The following RNFT2 variants were observed in gnomAD, a reference collection of about 807,000 sequenced individuals.
The protein encoded by RNFT2 is E3 ubiquitin-protein ligase RNFT2.
In RNFT2, 36 loss-of-function variants were observed where a neutral mutation model predicts 53.0. The ratio of observed to expected loss-of-function variants is 0.68; its 90% CI spans 0.52 to 0.90. The LOEUF (loss-of-function observed/expected upper bound fraction) is 0.90. RNFT2 is among the 40% of genes least tolerant of loss of function. RNFT2 has a pLI of 0.00. For synonymous variants in RNFT2, 260 were observed against 253.2 expected, an observed-to-expected ratio of 1.03 and a Z score of -0.26; for missense variants, 514 against 585.6, an observed-to-expected ratio of 0.88 and a Z score of 1.26.
At chr12:116,785,982 G>A (rs1873917176) in intron 7 of RNFT2, among the ~76,000 whole-genome samples, 2 of 152,142 alleles carry the variant, frequency 1.3e-5, no homozygotes, top group Admixed American at 6.5e-5. Context: ...AGCCCAGGAG[G>A]CAGAGGTTGC....
chr12:116,824,272 G>A (rs1592980745), intron 7 of RNFT2, among the ~76,000 whole-genome samples: 1 of 152,198 alleles, frequency 6.6e-6, no homozygotes, highest in East Asian at 1.9e-4. Flanking sequence ...AAACCCAGCT[G>A]TTTCAAAGCA....
Position 116,779,368 on chromosome 12 carries a change from A to G in RNFT2, c.882+20A>G, listed in dbSNP as rs1190375789. The G allele has an allele frequency of 6.2e-7, 1 of 1,613,688 alleles. No homozygotes were observed. The highest frequency in any genetic ancestry group is 8.5e-7 in the Non-Finnish European group (1 of 1,179,728). On this transcript the variant is annotated intron_variant, in intron 7 of 10. Transcript: ENST00000257575. ...TCCAAGGTAGGCACTGGCTGCGGCC[A>G]CAAGGTAGCCCCAGTCACATGGATC...
intron 7 of RNFT2, among the ~76,000 whole-genome samples, chr12:116,805,882 A>G (rs749546368): frequency 6.6e-6 from 1 of 152,214 alleles, no homozygotes; most frequent in Non-Finnish European, 1.5e-5. Flanking sequence ...TATCAAGGAA[A>G]ATCTTCATTG....
rs1491314984 is a variant in RNFT2, at chr12:116,841,792, TAA to T, written c.1200+5512_1200+5513del. 4.7e-4 allele frequency among the ~76,000 whole-genome samples: 41 copies of T among 87,914 alleles called. 1 individual carries two copies. The highest frequency in any genetic ancestry group is 2.2e-3 in the African/African-American group (39 of 17,500). The allele number at this position is 87,914 out of a possible 152,430, so 57.7% of individuals were successfully genotyped here. ...ATATATATATATAAATATATATATA[TAA>T]ATATATATATAAATATATATATAAA... On this transcript the variant is annotated intron_variant, in intron 10 of 10. Coordinates refer to ENST00000257575, the MANE Select transcript of RNFT2 (RefSeq NM_001382266.1).
At chr12:116,750,890 TAATATATATATATATA>T (rs1566069545) in intron 4 of RNFT2, among the ~76,000 whole-genome samples, 16 of 25,204 alleles carry the variant, frequency 6.3e-4, no homozygotes, top group Admixed American at 4.0e-3. Flanking sequence ...ATTATATATA[TAATATATATATATATA>T]TATTTTTTTT....
intron 7 of RNFT2, among the ~76,000 whole-genome samples, chr12:116,814,185 C>A (rs56877048): frequency 0.018 from 2,737 of 152,296 alleles, 95 homozygotes; most frequent in African/African-American, 0.063. Flanking sequence ...TAGGCACTTT[C>A]CATTCATCCA....
intron 5 of RNFT2, among the ~76,000 whole-genome samples, chr12:116,756,257 G>A (rs1045117787): frequency 1.3e-5 from 2 of 151,980 alleles, no homozygotes; most frequent in African/African-American, 4.8e-5. Flanking sequence ...ATGTTTTGTA[G>A]TTGTCCTTGT....
intron 7 of RNFT2, among the ~76,000 whole-genome samples, chr12:116,787,900 C>T (rs1874010564): frequency 6.6e-6 from 1 of 151,608 alleles, no homozygotes. Context: ...GTGCTCCAGA[C>T]AGACAGACCC....
intron 7 of RNFT2, among the ~76,000 whole-genome samples, chr12:116,813,289 C>T (rs1297657280): frequency 6.6e-6 from 1 of 152,162 alleles, no homozygotes; most frequent in Non-Finnish European, 1.5e-5. Context: ...GCCTGGCCTT[C>T]GCCTCTCTTC....
intron 10 of RNFT2, among the ~76,000 whole-genome samples, chr12:116,844,355 G>C (rs1877502386): frequency 6.6e-6 from 1 of 152,126 alleles, no homozygotes; most frequent in Non-Finnish European, 1.5e-5. Context: ...TCCTGCCTCA[G>C]CCTCCCGAGT....
At chr12:116,826,733 AG>A (rs1331768469) in intron 7 of RNFT2, among the ~76,000 whole-genome samples, 1 of 152,178 alleles carries the variant, frequency 6.6e-6, no homozygotes, top group Non-Finnish European at 1.5e-5. Flanking sequence ...AGCAAACTGT[AG>A]GAAGTTGACT....
intron 7 of RNFT2, among the ~76,000 whole-genome samples, chr12:116,796,869 T>A (rs1236460465): frequency 2.0e-5 from 3 of 152,210 alleles, no homozygotes; most frequent in Non-Finnish European, 2.9e-5. Context: ...CCAGCCACAC[T>A]GGTTCCAACT....
In RNFT2 at chr12:116,853,188, G is replaced by A. The variant is rs1381838963; in HGVS notation, c.*3740G>A. On this transcript the variant is annotated 3_prime_UTR_variant, in exon 11 of 11. Transcript: ENST00000257575. Reference sequence around the variant, plus strand: ...CCTATACCAGTGCGAAAGCAGCCAGGAGTCCCCGTTGGAAAAGAACAATGC... The same window carrying A: ...CCTATACCAGTGCGAAAGCAGCCAGAAGTCCCCGTTGGAAAAGAACAATGC... 2.5e-6 allele frequency: 1 copy of A among 399,120 alleles called. No homozygotes were observed. The highest frequency in any genetic ancestry group is 4.4e-6 in the Non-Finnish European group (1 of 226,562). 24.7% of individuals were successfully genotyped at this position (399,120 alleles called of 1,614,324 possible).
chr12:116,739,540 G>A (rs771058587), intron 1 of RNFT2, among the ~76,000 whole-genome samples: 5 of 152,240 alleles, frequency 3.3e-5, no homozygotes, highest in Admixed American at 6.5e-5. Flanking sequence ...CGGGGAGTCA[G>A]GAGAATGAGA....
At chr12:116,832,553 C>T (rs1319409040) in intron 7 of RNFT2, among the ~76,000 whole-genome samples, 1 of 152,074 alleles carries the variant, frequency 6.6e-6, no homozygotes, top group African/African-American at 2.4e-5. Context: ...CATATGTTTT[C>T]ATTTCTCTCG....
At chr12:116,800,812 T>TCAAAATAAAATAAAATAA (rs142455219) in intron 7 of RNFT2, among the ~76,000 whole-genome samples, 2 of 114,864 alleles carry the variant, frequency 1.7e-5, no homozygotes, top group Admixed American at 9.7e-5. Context: ...AGACTCCATC[T>TCAAAATAAAATAAAATAA]TAAAATAAAA....
rs764950950 is a variant in RNFT2 at position 116,851,721 on chromosome 12, A to G, written c.*2273A>G. 1 of 694,926 alleles carries G rather than the reference A, an allele frequency of 1.4e-6. No homozygotes were observed. Among genetic ancestry groups the G allele is most frequent in the African/African-American group, 1.8e-5 (1 of 56,548 alleles). 43.0% of individuals were successfully genotyped at this position (694,926 alleles called of 1,614,324 possible). A position where few individuals can be genotyped will look rare whatever the true frequency, so the allele number is the denominator to read the frequency against. On this transcript the variant is annotated 3_prime_UTR_variant, in exon 11 of 11. Coordinates refer to ENST00000257575, the MANE Select transcript of RNFT2 (RefSeq NM_001382266.1). ...GCACCACAGCACTCCAACCTGGGTG[A>G]CAGAGTGAGTGAGACTCTGTCTAAA... is the stretch of plus-strand genomic sequence containing the variant.
chr12:116,797,570 G>C (rs1874563950), intron 7 of RNFT2, among the ~76,000 whole-genome samples: 1 of 151,870 alleles, frequency 6.6e-6, no homozygotes, highest in African/African-American at 2.4e-5. Context: ...AAGTTAGAGT[G>C]AGGTCACTAG....
At position 116,841,793 on chromosome 12, in the gene RNFT2, A is replaced by T. The variant is rs1399529798; in HGVS notation, c.1200+5511A>T. Among the ~76,000 whole-genome samples, 3 of 90,584 alleles carry T rather than the reference A, an allele frequency of 3.3e-5. No individual in the cohort carries two copies. The South Asian group carries it at 1.0e-3, about 32-fold the overall frequency. The allele number at this position is 90,584 out of a possible 152,430, so 59.4% of individuals were successfully genotyped here. On this transcript the variant is annotated intron_variant, in intron 10 of 10. Transcript: ENST00000257575. ...TATATATATATAAATATATATATAT[A>T]AATATATATATAAATATATATATAA...
Sources: allele counts gnomAD v4.1 joint callset (sites outside exome capture counted in the v4.1 genomes callset), GRCh38; gene constraint gnomAD v4.1.1; transcripts MANE v1.5; gene names NCBI Gene and HGNC (gene_info 2026-07-23, HGNC 2026-07-21).